CHI3L2: variants seen among roughly 807,000 people sequenced by gnomAD.
CHI3L2 encodes the protein chitinase-3-like protein 2.
CHI3L2 carries 47 observed loss-of-function variants against 47.3 expected under a neutral mutation model. That is an observed-to-expected ratio of 0.99 (90% CI 0.79 to 1.27). CHI3L2 has a LOEUF of 1.27. Among genes scored for constraint, CHI3L2 ranks in the 50% most tolerant of loss-of-function variants. The pLI is 0.00. For synonymous variants in CHI3L2, 198 were observed against 169.9 expected (o/e 1.17, Z -1.28); for missense variants, 497 against 462.1 (o/e 1.08, Z -0.69).
At chr1:111,234,757 G>C (rs537346795) in intron 4 of CHI3L2, 150 bp from the exon 5 acceptor site, 8 of 712,316 alleles carry the variant, frequency 1.1e-5, no homozygotes, top group Admixed American at 5.6e-5. Flanking sequence ...TTTTTCTCTC[G>C]TCTGTTCCAA....
At chr1:111,233,818 T>C (rs1356788705) in intron 4 of CHI3L2, among the ~76,000 whole-genome samples, 1 of 151,942 alleles carries the variant, frequency 6.6e-6, no homozygotes, top group Non-Finnish European at 1.5e-5. Context: ...GAAGTAGACA[T>C]GGGAGACTTT....
chr1:111,241,840 G>A (rs1296054135), intron 9 of CHI3L2, among the ~76,000 whole-genome samples: 1 of 152,190 alleles, frequency 6.6e-6, no homozygotes, highest in Non-Finnish European at 1.5e-5. Context: ...CCAGATTCCT[G>A]AGCCTACCAG....
intron 4 of CHI3L2, among the ~76,000 whole-genome samples, chr1:111,231,745 A>G (rs1659730056): frequency 6.6e-6 from 1 of 152,234 alleles, no homozygotes; most frequent in Admixed American, 6.5e-5. Context: ...GTCTGGGATC[A>G]TGGCTGTGCA....
At chr1:111,233,977 C>T (rs12132578) in intron 4 of CHI3L2, among the ~76,000 whole-genome samples, 1 of 151,074 alleles carries the variant, frequency 6.6e-6, no homozygotes, top group African/African-American at 2.4e-5. Context: ...CTTTGTTAAA[C>T]AGATGCTTGA....
intron 3 of CHI3L2, 125 bp downstream of exon 3, chr1:111,231,068 T>A: frequency 1.0e-6 from 1 of 998,756 alleles, no homozygotes; most frequent in Non-Finnish European, 1.5e-6. Flanking sequence ...TGGGTGTATT[T>A]CTGATCCTAA....
chr1:111,237,935 C>A (rs1659931297), intron 7 of CHI3L2, among the ~76,000 whole-genome samples: 1 of 152,188 alleles, frequency 6.6e-6, no homozygotes, highest in Admixed American at 6.5e-5. Context: ...CTTTCTGAAG[C>A]CTGCTACCTG....
chr1:111,235,505 A>G, intron 5 of CHI3L2, 134 bp from the exon 6 acceptor site: 1 of 1,029,772 alleles, frequency 9.7e-7, no homozygotes. Flanking sequence ...AGGCATCCCC[A>G]TGTGGGGTGG....
At chr1:111,241,627 A>T (rs1660061145) in intron 9 of CHI3L2, among the ~76,000 whole-genome samples, 184 bp downstream of exon 9, 1 of 152,222 alleles carries the variant, frequency 6.6e-6, no homozygotes, top group Admixed American at 6.5e-5. Flanking sequence ...GCTGTGGTAC[A>T]GGTAGAAGAG....
intron 1 of CHI3L2, among the ~76,000 whole-genome samples, chr1:111,229,503 A>C (rs1659630554): frequency 1.3e-5 from 2 of 150,710 alleles, no homozygotes; most frequent in South Asian, 2.1e-4. Flanking sequence ...TAAAACGGTG[A>C]AACCCCGTCT....
intron 8 of CHI3L2, among the ~76,000 whole-genome samples, chr1:111,240,622 A>G (rs913354924): frequency 2.0e-5 from 3 of 152,226 alleles, no homozygotes; most frequent in Non-Finnish European, 4.4e-5. Flanking sequence ...TTCAACTTTC[A>G]TTTTCTGCCC....
chr1:111,228,854 A>AG (rs1461114667), intron 1 of CHI3L2, among the ~76,000 whole-genome samples: 1 of 152,178 alleles, frequency 6.6e-6, no homozygotes, highest in Non-Finnish European at 1.5e-5. Context: ...TCTAGGATCC[A>AG]GGGGTCTGCT....
intron 4 of CHI3L2, among the ~76,000 whole-genome samples, chr1:111,233,136 G>A (rs1659775608): frequency 6.6e-6 from 1 of 152,178 alleles, no homozygotes; most frequent in Non-Finnish European, 1.5e-5. Context: ...TGCCCTTGGT[G>A]TGGGCATCTG....
chr1:111,242,514 G>T, intron 10 of CHI3L2, 148 bp downstream of exon 10: 1 of 730,936 alleles, frequency 1.4e-6, no homozygotes, highest in East Asian at 3.0e-5. Flanking sequence ...CAATTAGGCT[G>T]GTTCTGCCCT....
At chr1:111,242,514 G>A (rs930182896) in intron 10 of CHI3L2, 148 bp downstream of exon 10, 18 of 730,818 alleles carry the variant, frequency 2.5e-5, no homozygotes, top group Admixed American at 2.4e-4. Flanking sequence ...CAATTAGGCT[G>A]GTTCTGCCCT....
chr1:111,239,918 A>G (rs35599356), intron 8 of CHI3L2, among the ~76,000 whole-genome samples: 34,518 of 152,186 alleles, frequency 0.23, 4,274 homozygotes, highest in South Asian at 0.3. Flanking sequence ...AGAATGTGAA[A>G]TACAGACATA....
intron 2 of CHI3L2, 121 bp from the exon 3 acceptor site, chr1:111,230,621 C>T: frequency 1.3e-6 from 1 of 798,064 alleles, no homozygotes; most frequent in Non-Finnish European, 2.0e-6. Flanking sequence ...CTGAATGACC[C>T]TCAGAGGCTC....
At chr1:111,242,057 G>A (rs898631918) in intron 9 of CHI3L2, among the ~76,000 whole-genome samples, 170 bp from the exon 10 acceptor site, 1 of 152,160 alleles carries the variant, frequency 6.6e-6, no homozygotes, top group Admixed American at 6.5e-5. Flanking sequence ...TGCTGATTTG[G>A]TGGCTCTCTC....
chr1:111,230,691 C>G (rs373399774), intron 2 of CHI3L2, 51 bp from the exon 3 acceptor site: 1 of 1,494,006 alleles, frequency 6.7e-7, no homozygotes, highest in Non-Finnish European at 9.3e-7. Context: ...ACTTTCTGGA[C>G]TCTAAGGCAA....
intron 4 of CHI3L2, 31 bp from the exon 5 acceptor site, chr1:111,234,876 C>A: frequency 6.2e-7 from 1 of 1,609,046 alleles, no homozygotes; most frequent in Middle Eastern, 1.7e-4. Context: ...CTTGTTCTTT[C>A]CAAAAAGACA....
Sources: gnomAD v4.1 joint callset for allele counts (sites outside exome capture counted in the v4.1 genomes callset) on GRCh38, gnomAD v4.1.1 for gene constraint, MANE v1.5 for transcripts, NCBI Gene and HGNC (gene_info 2026-07-23, HGNC 2026-07-21) for gene names.